The following TNFAIP8 variants were observed in gnomAD, a reference collection of about 807,000 sequenced individuals.
The protein encoded by TNFAIP8 is TNF alpha induced protein 8.
A neutral mutation model predicts 13.3 loss-of-function variants in TNFAIP8; 7 were observed. The ratio of observed to expected loss-of-function variants is 0.52; its 90% CI spans 0.30 to 0.99. The LOEUF is 0.99. TNFAIP8 is among the 50% of genes least tolerant of loss of function. The pLI, the probability that TNFAIP8 is intolerant of heterozygous loss-of-function variation, is 0.07. For synonymous variants in TNFAIP8, 94 were observed against 87.6 expected, an observed-to-expected ratio of 1.07 and a Z score of -0.41; for missense variants, 258 against 236.9, an observed-to-expected ratio of 1.09 and a Z score of -0.58.
intron 1 of TNFAIP8, among the ~76,000 whole-genome samples, chr5:119,372,467 T>C (rs1752117895): frequency 1.3e-5 from 2 of 152,152 alleles, no homozygotes; most frequent in African/African-American, 2.4e-5. Flanking sequence ...ATCAATAATA[T>C]AATATTTTCC....
chr5:119,279,025 C>G (rs1205129261), intron 1 of TNFAIP8, among the ~76,000 whole-genome samples: 1 of 152,138 alleles, frequency 6.6e-6, no homozygotes, highest in African/African-American at 2.4e-5. Flanking sequence ...AAATGTTTAC[C>G]ATCCCAGTAA....
In TNFAIP8 at chr5:119,292,054, A is replaced by G. The variant is rs1749005136; in HGVS notation, c.1+23147A>G. Among the ~76,000 whole-genome samples the G allele has an allele frequency of 2.0e-5, 3 of 152,194 alleles. No homozygotes were observed. The South Asian group carries it at 6.2e-4, about 31-fold the overall frequency. On this transcript the variant is annotated intron_variant, in intron 1 of 1. Coordinates refer to the TNFAIP8 transcript ENST00000274456. ...ACCGGGAGAGGACCGGAAGCGATTG[A>G]TTTGCTCACAGAATGCCAGGAAGGC...
chr5:119,294,868 G>T (rs1014467340), intron 1 of TNFAIP8, among the ~76,000 whole-genome samples: 62 of 151,840 alleles, frequency 4.1e-4, no homozygotes, highest in African/African-American at 1.5e-3. Flanking sequence ...CATGTCCTTT[G>T]CCCACTTTTT....
intron 1 of TNFAIP8, among the ~76,000 whole-genome samples, chr5:119,329,171 G>C (rs990905780): frequency 3.3e-5 from 5 of 152,234 alleles, no homozygotes; most frequent in Admixed American, 6.5e-5. Flanking sequence ...TTCCTCGCTT[G>C]TGAAATGAGG....
rs10073521 is a variant in TNFAIP8 at position 119,360,102 on chromosome 5, A to G, written c.31+3981A>G. ...TCCCCTCACTTCTGAAATTTTTATCATATTGAATATGCATCCTACCTTTCT... is the reference window on the plus strand; with the variant it reads ...TCCCCTCACTTCTGAAATTTTTATCGTATTGAATATGCATCCTACCTTTCT... On this transcript the variant is annotated intron_variant, in intron 1 of 1. Coordinates refer to ENST00000504771, the MANE Select transcript of TNFAIP8 (RefSeq NM_014350.4). 0.028 allele frequency among the ~76,000 whole-genome samples: 4,239 copies of G among 152,250 alleles called. 418 individuals are homozygous for G. The East Asian group carries it at 0.38, about 14-fold the overall frequency.
chr5:119,295,106 A>C (rs1749126526), intron 1 of TNFAIP8, among the ~76,000 whole-genome samples: 2 of 151,802 alleles, frequency 1.3e-5, no homozygotes, highest in South Asian at 4.2e-4. Context: ...TTAGACATGA[A>C]GTCCTTGCCC....
intron 1 of TNFAIP8, among the ~76,000 whole-genome samples, chr5:119,328,285 T>G: frequency 6.6e-6 from 1 of 152,174 alleles, no homozygotes; most frequent in Non-Finnish European, 1.5e-5. Context: ...AGTGCTGGGA[T>G]TACAGGCATG....
intron 1 of TNFAIP8, among the ~76,000 whole-genome samples, chr5:119,291,484 A>C (rs188091325): frequency 6.6e-6 from 1 of 152,234 alleles, no homozygotes; most frequent in Non-Finnish European, 1.5e-5. Context: ...TAACATTTTT[A>C]GGAAATTTGG....
At chr5:119,391,462 A>G (rs1158072822) in intron 1 of TNFAIP8, 1 of 701,626 alleles carries the variant, frequency 1.4e-6, no homozygotes, top group Admixed American at 2.0e-5. Context: ...AAGCCTTAGG[A>G]GAAGCGAGAG....
chr5:119,328,141 A>G (rs914544682), intron 1 of TNFAIP8, among the ~76,000 whole-genome samples: 1 of 152,210 alleles, frequency 6.6e-6, no homozygotes, highest in African/African-American at 2.4e-5. Context: ...ATAATCTAAA[A>G]TGACAATATA....
intron 1 of TNFAIP8, among the ~76,000 whole-genome samples, chr5:119,337,760 C>T (rs1030156051): frequency 1.3e-5 from 2 of 152,188 alleles, no homozygotes; most frequent in South Asian, 4.1e-4. Flanking sequence ...ACAGCATTTG[C>T]TGCATGTGGG....
At chr5:119,305,406 AT>A (rs1439272837) in intron 1 of TNFAIP8, among the ~76,000 whole-genome samples, 1 of 152,212 alleles carries the variant, frequency 6.6e-6, no homozygotes, top group East Asian at 1.9e-4. Context: ...GATGCATTTT[AT>A]TTGAGTGGTC....
At chr5:119,318,665 T>C (rs1749969416) in intron 1 of TNFAIP8, among the ~76,000 whole-genome samples, 1 of 136,656 alleles carries the variant, frequency 7.3e-6, no homozygotes, top group Non-Finnish European at 1.6e-5. Context: ...TTTTTCTTCC[T>C]CCCCCCGCAT....
intron 1 of TNFAIP8, among the ~76,000 whole-genome samples, chr5:119,292,665 TATATATATATATATATATATAC>T (rs1376201489): frequency 4.6e-5 from 2 of 43,136 alleles, no homozygotes; most frequent in African/African-American, 1.1e-4. Flanking sequence ...TATATATATA[TATATATATATATATATATATAC>T]ACACACACAC....
chr5:119,307,527 GGA>G (rs141183854), intron 1 of TNFAIP8, among the ~76,000 whole-genome samples: 3,028 of 152,240 alleles, frequency 0.02, 115 homozygotes, highest in African/African-American at 0.07. Flanking sequence ...AAAAATTTCT[GGA>G]AAGATGGATA....
Position 119,368,412 on chromosome 5 carries a change from C to G in TNFAIP8, c.31+12291C>G, listed in dbSNP as rs1972076. On this transcript the variant is annotated intron_variant, in intron 1 of 1. Transcript: ENST00000504771. ...CCCACACTTTCTCTTCTTTCTTTCA[C>G]TTACCTATTCTAAGCAGCGTGTGTG... 6.6e-3 allele frequency among the ~76,000 whole-genome samples: 975 copies of G among 146,756 alleles called. 16 individuals are homozygous for G. The highest frequency in any genetic ancestry group is 0.023 in the African/African-American group (923 of 39,628).
In TNFAIP8 at chr5:119,301,341, A is replaced by G. The variant is rs904413758; in HGVS notation, c.1+32434A>G. On this transcript the variant is annotated intron_variant, in intron 1 of 1. Coordinates refer to the TNFAIP8 transcript ENST00000274456. ...CCCCTCTGTCAGTTGGCTTGTTCCC[A>G]GTGACTATAATTCCCTTGTCCGCCT... Among the ~76,000 whole-genome samples, 10 of 152,196 alleles carry G rather than the reference A, an allele frequency of 6.6e-5. No homozygotes were observed. The South Asian group carries it at 1.5e-3, about 22-fold the overall frequency.
Position 119,397,619 on chromosome 5 carries a change from A to G in TNFAIP8, c.*4238A>G, listed in dbSNP as rs1753105545. Reference sequence around the variant, plus strand: ...TTTATCCTACCTCTGAAATAATTGTACTTTCTGTGATTCAGATAAAAACTT... The same window carrying G: ...TTTATCCTACCTCTGAAATAATTGTGCTTTCTGTGATTCAGATAAAAACTT... On this transcript the variant is annotated 3_prime_UTR_variant, in exon 2 of 2. Transcript: ENST00000504771. 1 of 152,232 alleles carries G rather than the reference A, an allele frequency of 6.6e-6. No individual in the cohort carries two copies. 9.4% of individuals were successfully genotyped at this position (152,232 alleles called of 1,614,324 possible). A position where few individuals can be genotyped will look rare whatever the true frequency, so the allele number is the denominator to read the frequency against.
intron 1 of TNFAIP8, among the ~76,000 whole-genome samples, chr5:119,360,550 T>C (rs1751592751): frequency 6.6e-6 from 1 of 152,224 alleles, no homozygotes; most frequent in South Asian, 2.1e-4. Context: ...AGAATCACCA[T>C]GATTTAGAGC....
Sources: gnomAD v4.1 joint callset for allele counts (sites outside exome capture counted in the v4.1 genomes callset) on GRCh38, gnomAD v4.1.1 for gene constraint, MANE v1.5 for transcripts, NCBI Gene and HGNC (gene_info 2026-07-23, HGNC 2026-07-21) for gene names.